Variants in CFAP61 observed in about 807,000 individuals in gnomAD.
The protein encoded by CFAP61 is cilia and flagella associated protein 61.
A neutral mutation model predicts 135.6 loss-of-function variants in CFAP61; 107 were observed. That is an observed-to-expected ratio of 0.79 (90% CI 0.67 to 0.93). CFAP61 has a LOEUF of 0.93. Ranked by LOEUF, CFAP61 falls within the 40% of genes least tolerant of loss-of-function variation. The pLI is 0.00. For synonymous variants in CFAP61, 575 were observed against 578.5 expected, an observed-to-expected ratio of 0.99 and a Z score of 0.09; for missense variants, 1,507 against 1,556.2, an observed-to-expected ratio of 0.97 and a Z score of 0.53.
chr20:20,143,776 T>C (rs2051619583), intron 9 of CFAP61, among the ~76,000 whole-genome samples: 1 of 151,922 alleles, frequency 6.6e-6, no homozygotes, highest in African/African-American at 2.4e-5. Flanking sequence ...AAGGACAGAG[T>C]ACTAGAAAGG....
chr20:20,292,997 G>A (rs566362363), intron 24 of CFAP61, among the ~76,000 whole-genome samples: 13 of 152,256 alleles, frequency 8.5e-5, no homozygotes, highest in Non-Finnish European at 1.3e-4. Flanking sequence ...GGACACTGTC[G>A]TGGCCATCTT....
intron 13 of CFAP61, among the ~76,000 whole-genome samples, chr20:20,177,517 G>A (rs1375818102): frequency 2.9e-5 from 2 of 68,500 alleles, no homozygotes; most frequent in East Asian, 2.2e-4. Flanking sequence ...CAGGAGGAGA[G>A]TGCTGGCTGA....
chr20:20,076,277 C>T (rs1830433265), intron 6 of CFAP61, among the ~76,000 whole-genome samples: 3 of 152,328 alleles, frequency 2.0e-5, no homozygotes, highest in African/African-American at 7.2e-5. Flanking sequence ...TTCTGCCTGG[C>T]TCTCTCAGGA....
intron 13 of CFAP61, among the ~76,000 whole-genome samples, chr20:20,179,145 G>T (rs1001476689): frequency 1.3e-5 from 2 of 152,038 alleles, no homozygotes; most frequent in Non-Finnish European, 2.9e-5. Flanking sequence ...TCTCTGCCCC[G>T]AAGCTCCTTA....
chr20:20,101,322 G>A (rs1187377671), intron 8 of CFAP61, among the ~76,000 whole-genome samples: 1 of 152,192 alleles, frequency 6.6e-6, no homozygotes, highest in Non-Finnish European at 1.5e-5. Context: ...TTTGTTTAGT[G>A]CTTTTTTCCA....
intron 13 of CFAP61, among the ~76,000 whole-genome samples, chr20:20,176,286 A>T (rs2054620870): frequency 6.6e-6 from 1 of 152,214 alleles, no homozygotes; most frequent in African/African-American, 2.4e-5. Context: ...ATTGTGGAAG[A>T]CAGTGTGCTG....
intron 8 of CFAP61, 52 bp from the exon 9 acceptor site, chr20:20,142,805 T>A (rs768622425): frequency 2.0e-6 from 2 of 997,078 alleles, no homozygotes; most frequent in Admixed American, 2.0e-5. Context: ...CCTGTGATTC[T>A]GCAGATATTT....
rs200352652 is a variant in CFAP61 at position 20,296,329 on chromosome 20, T to TCC, written c.3217-1852_3217-1851insCC. Reference sequence around the variant, plus strand: ...TTCCTTCCTTCCCTCCTTCCTTCCCTTCCTTCCTTCCTTGCTTCCTTCCTT... The same window carrying TCC: ...TTCCTTCCTTCCCTCCTTCCTTCCCTCCTCCTTCCTTCCTTGCTTCCTTCCTT... On this transcript the variant is annotated intron_variant, in intron 24 of 26. Transcript: ENST00000245957. Among the ~76,000 whole-genome samples the TCC allele has an allele frequency of 1.6e-3, 46 of 29,372 alleles. 2 individuals carry two copies. The highest frequency in any genetic ancestry group is 3.7e-3 in the Non-Finnish European group (43 of 11,718). The allele number at this position is 29,372 out of a possible 152,430, so 19.3% of individuals were successfully genotyped here.
intron 17 of CFAP61, 135 bp downstream of exon 17, chr20:20,200,037 C>T (rs1211715575): frequency 8.6e-6 from 9 of 1,043,120 alleles, no homozygotes; most frequent in South Asian, 3.0e-5. Context: ...CCCTTACAGG[C>T]GGAGCCCCGC....
intron 25 of CFAP61, among the ~76,000 whole-genome samples, chr20:20,332,372 T>G (rs1216411500): frequency 6.6e-6 from 1 of 152,254 alleles, no homozygotes; most frequent in East Asian, 1.9e-4. Flanking sequence ...AAATTCAGCC[T>G]GCTTGGGCTT....
intron 8 of CFAP61, among the ~76,000 whole-genome samples, 193 bp downstream of exon 8, chr20:20,099,007 G>A (rs914355379): frequency 1.6e-4 from 24 of 152,288 alleles, no homozygotes; most frequent in Admixed American, 7.8e-4. Flanking sequence ...GTGCAGGGGT[G>A]GAGTTAGACA....
chr20:20,082,954 G>A (rs1198164413), intron 6 of CFAP61, among the ~76,000 whole-genome samples: 1 of 152,142 alleles, frequency 6.6e-6, no homozygotes, highest in East Asian at 1.9e-4. Context: ...AGAACTAAAA[G>A]TAGAGCTACC....
intron 6 of CFAP61, chr20:20,085,294 G>GA (rs1416711414): frequency 1.0e-6 from 1 of 985,296 alleles, no homozygotes; most frequent in Non-Finnish European, 1.2e-6. Context: ...CATAGCTGGG[G>GA]TGTTTTGTTT....
intron 6 of CFAP61, among the ~76,000 whole-genome samples, chr20:20,086,126 A>G (rs989652275): frequency 6.7e-6 from 1 of 149,570 alleles, no homozygotes; most frequent in African/African-American, 2.5e-5. Flanking sequence ...AAGTCTTAGC[A>G]TTGAAGTGAC....
In CFAP61 at chr20:20,155,848, G is replaced by A. The variant is rs181057365; in HGVS notation, c.952-3522G>A. The stretch of plus-strand genomic sequence containing the variant: ...AATGTAAACTAGTACAAGCACTATC[G>A]AAAACAGCATGGAGATTCCTTAAAG... On this transcript the variant is annotated intron_variant, in intron 9 of 26. Transcript: ENST00000245957. Among the ~76,000 whole-genome samples the A allele has an allele frequency of 4.6e-3, 694 of 152,232 alleles. 11 individuals carry two copies. The highest frequency in any genetic ancestry group is 0.016 in the African/African-American group (669 of 41,552).
intron 25 of CFAP61, among the ~76,000 whole-genome samples, chr20:20,337,288 G>A (rs2058235382): frequency 6.2e-5 from 1 of 16,110 alleles, no homozygotes; most frequent in Non-Finnish European, 2.8e-4. Context: ...ATGGATGGAT[G>A]GATAGATGGA....
intron 13 of CFAP61, chr20:20,172,231 G>C: frequency 1.0e-6 from 1 of 982,660 alleles, no homozygotes; most frequent in Non-Finnish European, 1.2e-6. Context: ...ATGCCTCTGG[G>C]AAACAGGACT....
intron 18 of CFAP61, among the ~76,000 whole-genome samples, chr20:20,245,025 C>G (rs1223623082): frequency 6.6e-6 from 1 of 152,214 alleles, no homozygotes; most frequent in Non-Finnish European, 1.5e-5. Flanking sequence ...CATCTGAGAC[C>G]ACCTCAGCCT....
At chr20:20,339,169 G>A (rs545877781) in intron 25 of CFAP61, among the ~76,000 whole-genome samples, 3 of 152,162 alleles carry the variant, frequency 2.0e-5, no homozygotes, top group Non-Finnish European at 4.4e-5. Context: ...ATTTCTAGAC[G>A]GCAGGCTGTG....
Sources: allele counts gnomAD v4.1 joint callset (sites outside exome capture counted in the v4.1 genomes callset), GRCh38; gene constraint gnomAD v4.1.1; transcripts MANE v1.5; gene names NCBI Gene and HGNC (gene_info 2026-07-23, HGNC 2026-07-21).